ST3GAL1: variants seen among roughly 807,000 people sequenced by gnomAD.
The protein encoded by ST3GAL1 is CMP-N-acetylneuraminate-beta-galactosamide-alpha-2,3-sialyltransferase 1.
In ST3GAL1, 16 loss-of-function variants were observed where a neutral mutation model predicts 34.1. The ratio of observed to expected loss-of-function variants is 0.47; its 90% CI spans 0.32 to 0.71. ST3GAL1 has a LOEUF of 0.71. Among genes scored for constraint, ST3GAL1 ranks in the 30% least tolerant of loss-of-function variants. The probability of loss-of-function intolerance (pLI) is 0.04; values close to 1 mark genes in which losing one functional copy is unlikely to be tolerated. For synonymous variants in ST3GAL1, 191 were observed against 184.7 expected (o/e 1.03, Z -0.28); for missense variants, 353 against 447.4 (o/e 0.79, Z 1.90).
At chr8:133,562,673 A>T (rs545920896) in intron 1 of ST3GAL1, among the ~76,000 whole-genome samples, 9 of 152,320 alleles carry the variant, frequency 5.9e-5, no homozygotes, top group African/African-American at 2.2e-4. Flanking sequence ...TTAGGGCTCC[A>T]GCACACTAAA....
At chr8:133,484,766 A>C (rs1390596686) in intron 3 of ST3GAL1, among the ~76,000 whole-genome samples, 3 of 152,094 alleles carry the variant, frequency 2.0e-5, no homozygotes, top group African/African-American at 4.8e-5. Context: ...GGGCTTTAAA[A>C]AGCCCACCCC....
chr8:133,497,148 T>A (rs1047346318), intron 3 of ST3GAL1, among the ~76,000 whole-genome samples: 1 of 152,174 alleles, frequency 6.6e-6, no homozygotes, highest in Non-Finnish European at 1.5e-5. Flanking sequence ...CTGCTGCACC[T>A]CCCTCCCTGA....
chr8:133,503,094 G>C (rs534797956), intron 2 of ST3GAL1, among the ~76,000 whole-genome samples: 2 of 152,346 alleles, frequency 1.3e-5, no homozygotes, highest in African/African-American at 4.8e-5. Context: ...GCATTGCTGA[G>C]CCACAGCTGA....
Position 133,466,354 on chromosome 8 carries a change from G to A in ST3GAL1, c.307-264C>T, listed in dbSNP as rs945477440. Among the ~76,000 whole-genome samples, 20 of 152,190 alleles carry A rather than the reference G, an allele frequency of 1.3e-4. No individual in the cohort carries two copies. Among genetic ancestry groups the A allele is most frequent in the Non-Finnish European group, 1.9e-4 (13 of 68,034 alleles). ...CACCTACCATGTGCCAGGCACTGCTGAAGCCGCTTGGGTGATCCAGCCACA... is the reference window on the plus strand; with the variant it reads ...CACCTACCATGTGCCAGGCACTGCTAAAGCCGCTTGGGTGATCCAGCCACA... On this transcript the variant is annotated intron_variant, in intron 5 of 9. Coordinates refer to ENST00000522652, the MANE Select transcript of ST3GAL1 (RefSeq NM_173344.3). This position sits in a 1 kb window ranked among gnomAD's most constrained non-coding sequence, Gnocchi z 4.4.
chr8:133,541,563 T>A (rs927813371), intron 2 of ST3GAL1, among the ~76,000 whole-genome samples: 1 of 152,132 alleles, frequency 6.6e-6, no homozygotes, highest in African/African-American at 2.4e-5. Context: ...ATGCAGACCA[T>A]ATACACGGTC....
In ST3GAL1 at chr8:133,467,713, C is replaced by T. The variant is rs1815795724; in HGVS notation, c.307-1623G>A. ...GGCTGGGAGAGGAAGGAGTGGCCAG[C>T]AGTGGCTTTGGCCACTGTCCAGAAG... is the stretch of plus-strand genomic sequence containing the variant. On this transcript the variant is annotated intron_variant, in intron 5 of 9. Transcript: ENST00000522652. The surrounding 1 kb of genome is among the most constrained non-coding windows in gnomAD (Gnocchi z 4.2). Among the ~76,000 whole-genome samples the T allele has an allele frequency of 6.6e-6, 1 of 152,160 alleles. No individual in the cohort carries two copies. The highest frequency in any genetic ancestry group is 2.4e-5 in the African/African-American group (1 of 41,438).
intron 2 of ST3GAL1, among the ~76,000 whole-genome samples, chr8:133,510,368 G>A (rs1466471949): frequency 6.6e-6 from 1 of 152,150 alleles, no homozygotes; most frequent in Non-Finnish European, 1.5e-5. Context: ...TGAAACACAG[G>A]CTACTGGAAG....
intron 1 of ST3GAL1, among the ~76,000 whole-genome samples, chr8:133,559,047 G>A: frequency 6.6e-6 from 1 of 151,772 alleles, no homozygotes; most frequent in East Asian, 1.9e-4. Context: ...GTGTGTGTGT[G>A]TGTGTGTGTG....
chr8:133,514,696 A>G (rs1193630562), intron 2 of ST3GAL1, among the ~76,000 whole-genome samples: 3 of 152,068 alleles, frequency 2.0e-5, no homozygotes, highest in Non-Finnish European at 4.4e-5. Flanking sequence ...CTTCTGAGCA[A>G]ATGAGCAAGG....
Position 133,466,241 on chromosome 8 carries a change from C to A in ST3GAL1, c.307-151G>T. On this transcript the variant is annotated intron_variant, in intron 5 of 9. Coordinates refer to ENST00000522652, the MANE Select transcript of ST3GAL1 (RefSeq NM_173344.3). This position sits in a 1 kb window ranked among gnomAD's most constrained non-coding sequence, Gnocchi z 4.4. ...CCCGGAGATGGAGGCGGCTCACACA[C>A]AGACACCTCCACTTCCTCCTTCAAG... The A allele has an allele frequency of 1.5e-6, 1 of 682,232 alleles. No homozygotes were observed. The allele number at this position is 682,232 out of a possible 1,614,324, so 42.3% of individuals were successfully genotyped here.
At chr8:133,462,139 G>A (rs1012570833) in intron 8 of ST3GAL1, 145 bp from the exon 9 acceptor site, 25 of 1,232,566 alleles carry the variant, frequency 2.0e-5, no homozygotes, top group Non-Finnish European at 2.6e-5. Flanking sequence ...TTCCATGCTC[G>A]TAGGAAAGAT....
intron 2 of ST3GAL1, among the ~76,000 whole-genome samples, chr8:133,539,886 A>G (rs571831938): frequency 1.3e-5 from 2 of 152,256 alleles, no homozygotes; most frequent in South Asian, 4.1e-4. Context: ...CCAGAGTGAG[A>G]CTCTGTCTCA....
At chr8:133,544,665 G>A (rs1239376005) in intron 2 of ST3GAL1, among the ~76,000 whole-genome samples, 1 of 152,106 alleles carries the variant, frequency 6.6e-6, no homozygotes, top group Non-Finnish European at 1.5e-5. Flanking sequence ...GACACCAGAA[G>A]GGCTCAAGCT....
At chr8:133,532,984 C>T (rs556001355) in intron 2 of ST3GAL1, among the ~76,000 whole-genome samples, 2 of 152,228 alleles carry the variant, frequency 1.3e-5, no homozygotes, top group East Asian at 1.9e-4. Context: ...AATTAAGTGC[C>T]GGGCTGGAGC....
At chr8:133,562,796 TC>T (rs1586672692) in intron 1 of ST3GAL1, among the ~76,000 whole-genome samples, 9 of 15,682 alleles carry the variant, frequency 5.7e-4, no homozygotes, top group East Asian at 6.0e-3. Context: ...TTTCTTTCTT[TC>T]CTTCCTTCCT....
intron 2 of ST3GAL1, among the ~76,000 whole-genome samples, chr8:133,536,375 T>C (rs1426042204): frequency 1.3e-5 from 2 of 152,222 alleles, no homozygotes; most frequent in African/African-American, 4.8e-5. Context: ...GCCCAAATGC[T>C]TATAGCTGGG....
rs541016279 is a variant in ST3GAL1 at position 133,467,239 on chromosome 8, T to G, written c.307-1149A>C. On this transcript the variant is annotated intron_variant, in intron 5 of 9. Transcript: ENST00000522652. The surrounding 1 kb of genome is among the most constrained non-coding windows in gnomAD (Gnocchi z 4.2). ...AGGACTCTCAGTGCTAAAACCAGGATGAGTTGGTATCCCTATTGGCCCCCG... is the reference window on the plus strand; with the variant it reads ...AGGACTCTCAGTGCTAAAACCAGGAGGAGTTGGTATCCCTATTGGCCCCCG... 1.3e-5 allele frequency among the ~76,000 whole-genome samples: 2 copies of G among 152,128 alleles called. No individual in the cohort carries two copies. Among genetic ancestry groups the G allele is most frequent in the Admixed American group, 1.3e-4 (2 of 15,284 alleles).
chr8:133,502,429 A>AAC (rs1404547994), intron 2 of ST3GAL1, among the ~76,000 whole-genome samples: 1 of 151,272 alleles, frequency 6.6e-6, no homozygotes, highest in African/African-American at 2.4e-5. Context: ...GTCCTTATAA[A>AAC]AAAAAAAAAA....
At chr8:133,503,240 C>T (rs997487036) in intron 2 of ST3GAL1, among the ~76,000 whole-genome samples, 5 of 152,022 alleles carry the variant, frequency 3.3e-5, no homozygotes, top group Non-Finnish European at 7.4e-5. Flanking sequence ...ATTCTAACGC[C>T]CCCCAACAAA....
Sources: gnomAD v4.1 joint callset for allele counts (sites outside exome capture counted in the v4.1 genomes callset) on GRCh38, gnomAD v4.1.1 for gene constraint, Gnocchi (gnomAD v3.1) non-coding constraint, MANE v1.5 for transcripts, NCBI Gene and HGNC (gene_info 2026-07-23, HGNC 2026-07-21) for gene names.